The following AFAP1L2 variants were observed in gnomAD, a reference collection of about 807,000 sequenced individuals.
The protein encoded by AFAP1L2 is actin filament associated protein 1 like 2, also known as actin filament-associated protein 1-like 2.
AFAP1L2 carries 46 observed loss-of-function variants against 99.3 expected under a neutral mutation model. The ratio of observed to expected loss-of-function variants is 0.46; its 90% confidence interval spans 0.37 to 0.59. The LOEUF is 0.59. Ranked by LOEUF, AFAP1L2 falls within the 20% of genes least tolerant of loss-of-function variation. The probability of loss-of-function intolerance (pLI) is 0.00; values close to 1 mark genes in which losing one functional copy is unlikely to be tolerated. For synonymous variants in AFAP1L2, 397 were observed against 419.1 expected, an observed-to-expected ratio of 0.95 and a Z score of 0.64; for missense variants, 959 against 1,034.9, an observed-to-expected ratio of 0.93 and a Z score of 1.01.
intron 10 of AFAP1L2, among the ~76,000 whole-genome samples, chr10:114,306,340 G>GGGACGCGGGGGCAGGAGT (rs1159769773): frequency 6.6e-6 from 1 of 150,488 alleles, no homozygotes; most frequent in Non-Finnish European, 1.5e-5. Flanking sequence ...GGGGCAGGAG[G>GGGACGCGGGGGCAGGAGT]GGACGCGGGG....
At position 114,304,783 on chromosome 10, in the gene AFAP1L2, G is replaced by C. The variant is rs148589522; in HGVS notation, c.1220C>G (p.Pro407Arg). Reference sequence around the variant, plus strand: ...GAAGGAGTAGAGGTGGTCGGGGCTGGGGTCTGGGACCACCTCGCAGCCCAC... The same window carrying C: ...GAAGGAGTAGAGGTGGTCGGGGCTGCGGTCTGGGACCACCTCGCAGCCCAC... The part of the protein sequence containing the change: ...SLVGCEVVPD[P>R]SPDHLYSFRI... The change falls in exon 11 of 19, where the codon CCC (proline) becomes CGC (arginine). Residue 407 changes from proline to arginine, a missense_variant. By Grantham distance (103) the Pro-to-Arg change is moderately radical (BLOSUM62 -2). This residue lies in a region of AFAP1L2 where 576 missense variants were observed against 562.1 expected (regional missense o/e 1.02). Transcript: ENST00000304129. 65 of 1,612,970 alleles carry C rather than the reference G, an allele frequency of 4.0e-5. No homozygotes were observed. Among genetic ancestry groups the C allele is most frequent in the Admixed American group, 1.8e-4 (11 of 59,994 alleles).
downstream of AFAP1L2, among the ~76,000 whole-genome samples, chr10:114,294,149 C>CA (rs1388682901): frequency 6.6e-6 from 1 of 152,128 alleles, no homozygotes; most frequent in African/African-American, 2.4e-5. Context: ...GGTCATTATG[C>CA]ATCATTCTAT....
chr10:114,305,636 C>T (rs545484747), intron 10 of AFAP1L2, among the ~76,000 whole-genome samples: 15 of 87,714 alleles, frequency 1.7e-4, no homozygotes, highest in Non-Finnish European at 2.6e-4. Flanking sequence ...GATGCAGATG[C>T]AGGAGGAGAT....
At position 114,301,425 on chromosome 10, in the gene AFAP1L2, C is replaced by T. The variant is rs1236780680; in HGVS notation, c.1471G>A (p.Asp491Asn). The T allele has an allele frequency of 3.7e-6, 6 of 1,614,164 alleles. No homozygotes were observed. Among genetic ancestry groups the T allele is most frequent in the Admixed American group, 3.3e-5 (2 of 60,032 alleles). The change falls in exon 13 of 19, where the codon GAT becomes AAT. Residue 491 changes from aspartate to asparagine, a missense_variant. By Grantham distance (23) the Asp-to-Asn change is conservative. Transcript: ENST00000304129. ...RKFSEPNTYI[D>N]GLPSQDRQEE... ...TGGCGGTCCTGGCTAGGCAGGCCAT[C>T]GATGTAAGTGTTGGGCTCTGAGAAC...
chr10:114,393,786 T>C (rs1012841748), intron 1 of AFAP1L2, among the ~76,000 whole-genome samples: 3 of 152,216 alleles, frequency 2.0e-5, no homozygotes, highest in African/African-American at 7.2e-5. Context: ...TGTTTACAAT[T>C]ACATACACCA....
At chr10:114,374,032 G>T (rs1166022117) in intron 1 of AFAP1L2, among the ~76,000 whole-genome samples, 1 of 152,038 alleles carries the variant, frequency 6.6e-6, no homozygotes, top group Non-Finnish European at 1.5e-5. Flanking sequence ...CGGACCTTCT[G>T]TGTCATATCA....
chr10:114,386,749 A>G (rs2056553418), intron 1 of AFAP1L2, among the ~76,000 whole-genome samples: 1 of 152,218 alleles, frequency 6.6e-6, no homozygotes, highest in African/African-American at 2.4e-5. Context: ...TGACCGAGCA[A>G]AGCACACCCA....
intron 1 of AFAP1L2, among the ~76,000 whole-genome samples, chr10:114,393,050 G>A (rs779725061): frequency 1.5e-4 from 23 of 152,144 alleles, no homozygotes; most frequent in Non-Finnish European, 2.5e-4. Flanking sequence ...CTGATACCCG[G>A]AAAGTAAACG....
At chr10:114,285,006 G>A in the AFAP1L2 span, 1 of 1,505,808 alleles carries the variant, frequency 6.6e-7, no homozygotes, top group Non-Finnish European at 8.9e-7. Flanking sequence ...CTGACCACTG[G>A]GGAGCAAGAA....
Position 114,295,343 on chromosome 10 carries a change from A to G in AFAP1L2, c.*699T>C. 1.0e-6 allele frequency: 1 copy of G among 985,304 alleles called. No individual in the cohort carries two copies. The highest frequency in any genetic ancestry group is 1.7e-5 in the African/African-American group (1 of 57,350). The allele number at this position is 985,304 out of a possible 1,614,324, so 61.0% of individuals were successfully genotyped here. ...TTTTTCCTATATATAATACAGCATC[A>G]CTTAAAATTTTATTTAAAGACAGTT... On this transcript the variant is annotated 3_prime_UTR_variant, in exon 19 of 19. Coordinates refer to ENST00000304129, the MANE Select transcript of AFAP1L2 (RefSeq NM_001001936.3).
chr10:114,304,784 G>C lies in AFAP1L2; in HGVS notation c.1219C>G (p.Pro407Ala). ...SLVGCEVVPDPSPDHLYSFRI... is the reference protein window; with the variant it reads ...SLVGCEVVPDASPDHLYSFRI... ...AAGGAGTAGAGGTGGTCGGGGCTGGGGTCTGGGACCACCTCGCAGCCCACC... is the reference window on the plus strand; with the variant it reads ...AAGGAGTAGAGGTGGTCGGGGCTGGCGTCTGGGACCACCTCGCAGCCCACC... Residue 407 changes from proline (P) to alanine (A), a missense_variant, in exon 11 of 19, where the codon CCC becomes GCC. Pro to Ala is a conservative substitution (Grantham distance 27). Around this residue, in one of 2 missense-constraint regions of AFAP1L2, gnomAD observed 576 missense variants for 562.1 expected, o/e 1.02. Transcript: ENST00000304129. 6.2e-7 allele frequency: 1 copy of C among 1,613,174 alleles called. No homozygotes were observed. The highest frequency in any genetic ancestry group is 8.5e-7 in the Non-Finnish European group (1 of 1,179,986).
chr10:114,290,323 TG>T, downstream of AFAP1L2: 1 of 1,550,596 alleles, frequency 6.4e-7, no homozygotes, highest in Non-Finnish European at 8.7e-7. Context: ...GAGCTACCGC[TG>T]CAAGTGTCGG....
intron 4 of AFAP1L2, among the ~76,000 whole-genome samples, chr10:114,327,614 T>A (rs2135453128): frequency 6.6e-6 from 1 of 152,260 alleles, no homozygotes; most frequent in Non-Finnish European, 1.5e-5. Flanking sequence ...TTTAGGGACT[T>A]GTGGCCACTC....
intron 1 of AFAP1L2, among the ~76,000 whole-genome samples, chr10:114,379,321 G>A (rs928950667): frequency 2.0e-5 from 3 of 151,812 alleles, no homozygotes; most frequent in African/African-American, 4.8e-5. Flanking sequence ...CCTGTTCCAG[G>A]CTATGCAGCA....
At chr10:114,282,597 G>C in the AFAP1L2 span, 8 of 1,606,148 alleles carry the variant, frequency 5.0e-6, no homozygotes, top group Non-Finnish European at 6.0e-6. Flanking sequence ...TGGATTTACA[G>C]GTTCTTTCAG....
Position 114,301,390 on chromosome 10 carries a change from C to G in AFAP1L2, c.1506G>C (p.Leu502=). Reference sequence around the variant, plus strand: ...GCTCTGACAGGTCCACGTCGTCATACAGCTCCTCCTGGCGGTCCTGGCTAG... The same window carrying G: ...GCTCTGACAGGTCCACGTCGTCATAGAGCTCCTCCTGGCGGTCCTGGCTAG... ...GLPSQDRQEE[L]YDDVDLSELT... Residue 502 remains leucine (L), a synonymous_variant, in exon 13 of 19, where the codon CTG becomes CTC. Coordinates refer to ENST00000304129, the MANE Select transcript of AFAP1L2 (RefSeq NM_001001936.3). 6.2e-7 allele frequency: 1 copy of G among 1,614,260 alleles called. No individual in the cohort carries two copies. The highest frequency in any genetic ancestry group is 8.5e-7 in the Non-Finnish European group (1 of 1,180,034).
chr10:114,281,821 G>A, the AFAP1L2 span: 1 of 888,678 alleles, frequency 1.1e-6, no homozygotes. Flanking sequence ...ATACAAAGAG[G>A]AAAGTGAAGA....
chr10:114,282,083 C>T, the AFAP1L2 span, among the ~76,000 whole-genome samples: 1 of 133,578 alleles, frequency 7.5e-6, no homozygotes, highest in South Asian at 2.4e-4. Context: ...AATCTCGGCT[C>T]ACCGCAACCT....
chr10:114,403,100 T>C (rs2058377199), intron 1 of AFAP1L2, among the ~76,000 whole-genome samples: 1 of 152,096 alleles, frequency 6.6e-6, no homozygotes, highest in South Asian at 2.1e-4. Flanking sequence ...GTGATCCCAG[T>C]AGAATTTGAG....
Sources: gnomAD v4.1 joint callset for allele counts (sites outside exome capture counted in the v4.1 genomes callset) on GRCh38, gnomAD v4.1.1 for gene constraint, gnomAD v4.1.1 regional missense constraint, MANE v1.5 for transcripts, NCBI Gene and HGNC (gene_info 2026-07-23, HGNC 2026-07-21) for gene names.